MAPK10: variants seen among roughly 807,000 people sequenced by gnomAD.
MAPK10 encodes JNK3 alpha protein kinase.
A neutral mutation model predicts 59.3 loss-of-function variants in MAPK10; 25 were observed. The ratio of observed to expected loss-of-function variants is 0.42; its 90% CI spans 0.31 to 0.59. The LOEUF is 0.59. MAPK10 is among the 20% of genes least tolerant of loss of function. The probability of loss-of-function intolerance (pLI) is 0.15; values close to 1 mark genes in which losing one functional copy is unlikely to be tolerated. For synonymous variants in MAPK10, 190 were observed against 200.5 expected, an observed-to-expected ratio of 0.95 and a Z score of 0.44; for missense variants, 351 against 568.9, an observed-to-expected ratio of 0.62 and a Z score of 3.90.
At chr4:86,591,898 A>G (rs1763073621) in intron 1 of MAPK10, among the ~76,000 whole-genome samples, 1 of 152,094 alleles carries the variant, frequency 6.6e-6, no homozygotes, top group African/African-American at 2.4e-5. Flanking sequence ...ACTTGACTTC[A>G]ATAGGAATAA....
intron 1 of MAPK10, among the ~76,000 whole-genome samples, chr4:86,494,753 G>T (rs569074170): frequency 9.0e-5 from 13 of 144,166 alleles, no homozygotes; most frequent in Non-Finnish European, 1.7e-4. Context: ...TGAGGCAGGA[G>T]AATGGCGTGA....
At chr4:86,417,198 T>G (rs1488116525) in intron 1 of MAPK10, among the ~76,000 whole-genome samples, 1 of 152,172 alleles carries the variant, frequency 6.6e-6, no homozygotes, top group African/African-American at 2.4e-5. Context: ...ATTTGCATAA[T>G]TTTTTAAGTT....
chr4:86,302,623 A>G lies in MAPK10; in HGVS notation c.-7+51907T>C, dbSNP rs140776162. Among the ~76,000 whole-genome samples the G allele has an allele frequency of 5.3e-4, 80 of 152,350 alleles. 1 individual carries two copies. The highest frequency in any genetic ancestry group is 1.9e-3 in the African/African-American group (79 of 41,584). On this transcript the variant is annotated intron_variant, in intron 2 of 13. Coordinates refer to ENST00000641462, the MANE Select transcript of MAPK10 (RefSeq NM_138982.4). ...TCTACTATTTGTAAGTGACCTATTT[A>G]GGGAGTAAATACTGGAAATCACTCT...
intron 9 of MAPK10, among the ~76,000 whole-genome samples, chr4:86,087,550 T>C (rs2052155185): frequency 6.6e-6 from 1 of 152,158 alleles, no homozygotes; most frequent in Non-Finnish European, 1.5e-5. Context: ...AGACGTCATT[T>C]AATAAAATGT....
At chr4:86,450,012 T>A (rs1397797395) in intron 1 of MAPK10, among the ~76,000 whole-genome samples, 1 of 152,246 alleles carries the variant, frequency 6.6e-6, no homozygotes, top group Non-Finnish European at 1.5e-5. Flanking sequence ...GCAGCCCAGC[T>A]GATCCTTTGA....
chr4:86,075,266 T>C (rs2049040243), intron 9 of MAPK10, among the ~76,000 whole-genome samples: 1 of 152,122 alleles, frequency 6.6e-6, no homozygotes, highest in Non-Finnish European at 1.5e-5. Flanking sequence ...AGCACTTCTC[T>C]GTATTGGTTA....
At chr4:86,583,187 C>CT (rs199665755) in intron 1 of MAPK10, among the ~76,000 whole-genome samples, 2,214 of 151,104 alleles carry the variant, frequency 0.015, 30 homozygotes, top group Non-Finnish European at 0.019. Context: ...ATTTTCTTTT[C>CT]TTTTTTTTTG....
At chr4:86,135,086 C>T (rs1385760777) in intron 4 of MAPK10, among the ~76,000 whole-genome samples, 1 of 152,174 alleles carries the variant, frequency 6.6e-6, no homozygotes, top group Admixed American at 6.5e-5. Flanking sequence ...GATCAAACTG[C>T]AAGGCAGCAG....
At chr4:86,060,717 G>A (rs975365830) in intron 11 of MAPK10, among the ~76,000 whole-genome samples, 2 of 152,002 alleles carry the variant, frequency 1.3e-5, no homozygotes, top group Non-Finnish European at 2.9e-5. Context: ...AATCTATAAT[G>A]TGTCTTTATT....
At chr4:86,184,725 G>T (rs1321891433) in intron 3 of MAPK10, among the ~76,000 whole-genome samples, 2 of 152,052 alleles carry the variant, frequency 1.3e-5, no homozygotes, top group African/African-American at 2.4e-5. Context: ...GGCCGTGTGA[G>T]ATGCCTGCTC....
chr4:86,556,736 C>T (rs1033333641), intron 1 of MAPK10, among the ~76,000 whole-genome samples: 17 of 151,996 alleles, frequency 1.1e-4, no homozygotes, highest in African/African-American at 3.4e-4. Context: ...GGAGCCCTTT[C>T]GAGTCTTAGA....
chr4:86,204,980 A>T (rs1563073472), intron 2 of MAPK10, among the ~76,000 whole-genome samples: 1 of 152,056 alleles, frequency 6.6e-6, no homozygotes, highest in Non-Finnish European at 1.5e-5. Flanking sequence ...CAACACAAAC[A>T]ATTCTACAAT....
In MAPK10 at chr4:86,425,470, A is replaced by C. The variant is rs143903967; in HGVS notation, c.-122+27560T>G. Among the ~76,000 whole-genome samples the C allele has an allele frequency of 3.3e-5, 5 of 152,132 alleles. No homozygotes were observed. In the East Asian group the frequency reaches 9.7e-4, roughly 29 times the overall value. ...CTTTAGGCTTTAATATTTTCACTAG[A>C]CTACTACAAACACACCTGTTTTGTT... On this transcript the variant is annotated intron_variant, in intron 1 of 13. Coordinates refer to the MAPK10 transcript ENST00000361569.
upstream of MAPK10, among the ~76,000 whole-genome samples, chr4:86,364,045 G>A (rs1737424387): frequency 6.6e-6 from 1 of 152,008 alleles, no homozygotes; most frequent in Non-Finnish European, 1.5e-5. Context: ...GCCTCCCAAA[G>A]TTCTGGGATT....
chr4:86,276,434 G>A (rs1248531429), intron 2 of MAPK10, among the ~76,000 whole-genome samples: 4 of 133,214 alleles, frequency 3.0e-5, no homozygotes, highest in Non-Finnish European at 6.1e-5. Flanking sequence ...TTAAGCTGCT[G>A]TAACAAAGAG....
At chr4:86,250,707 T>A (rs1248187806) in intron 2 of MAPK10, among the ~76,000 whole-genome samples, 2 of 152,092 alleles carry the variant, frequency 1.3e-5, no homozygotes, top group East Asian at 3.8e-4. Context: ...AACCACATAG[T>A]TTCTGAAAAT....
At chr4:86,368,181 A>G (rs1465824037) in intron 1 of MAPK10, among the ~76,000 whole-genome samples, 1 of 152,134 alleles carries the variant, frequency 6.6e-6, no homozygotes, top group African/African-American at 2.4e-5. Flanking sequence ...TCTACCTTCC[A>G]CTTACTTTTC....
rs190560521 is a variant in MAPK10 at position 86,487,493 on chromosome 4, G to A, written c.-263+106417C>T. Among the ~76,000 whole-genome samples the A allele has an allele frequency of 2.7e-3, 405 of 152,108 alleles. 3 individuals are homozygous for A. Among genetic ancestry groups the A allele is most frequent in the African/African-American group, 9.3e-3 (384 of 41,502 alleles). Reference sequence around the variant, plus strand: ...ACCTGTAATCCCAGCACTTTGGGAGGCCGAGGTGAGTGGATCACGAAGTCA... The same window carrying A: ...ACCTGTAATCCCAGCACTTTGGGAGACCGAGGTGAGTGGATCACGAAGTCA... On this transcript the variant is annotated intron_variant, in intron 1 of 4. Transcript: ENST00000502302.
intron 5 of MAPK10, among the ~76,000 whole-genome samples, chr4:86,103,452 C>G (rs1456781360): frequency 6.6e-6 from 1 of 152,018 alleles, no homozygotes; most frequent in Non-Finnish European, 1.5e-5. Flanking sequence ...AATAATGCAG[C>G]TAAAAAGCTC....
Sources: gnomAD v4.1 joint callset for allele counts (sites outside exome capture counted in the v4.1 genomes callset) on GRCh38, gnomAD v4.1.1 for gene constraint, MANE v1.5 for transcripts, NCBI Gene and HGNC (gene_info 2026-07-23, HGNC 2026-07-21) for gene names.